PTPRE: variants seen among roughly 807,000 people sequenced by gnomAD.
The protein encoded by PTPRE is receptor-type tyrosine-protein phosphatase epsilon.
In PTPRE, 51 loss-of-function variants were observed where a neutral mutation model predicts 102.0. The ratio of observed to expected loss-of-function variants is 0.50; its 90% CI spans 0.40 to 0.63. The LOEUF is 0.63. Among genes scored for constraint, PTPRE ranks in the 30% least tolerant of loss-of-function variants. The pLI is 0.00. For missense variants in PTPRE, 752 were observed against 915.1 expected (o/e 0.82, Z 2.30); for synonymous variants, 345 against 348.2 (o/e 0.99, Z 0.10).
chr10:127,976,002 CG>C (rs1462280512), intron 1 of PTPRE, among the ~76,000 whole-genome samples: 14 of 151,992 alleles, frequency 9.2e-5, no homozygotes, highest in South Asian at 4.2e-4. Flanking sequence ...GGGTGCTTGG[CG>C]GGGAGTCTGG....
intron 1 of PTPRE, among the ~76,000 whole-genome samples, chr10:127,918,205 T>C (rs1261183890): frequency 6.6e-6 from 1 of 152,132 alleles, no homozygotes; most frequent in Non-Finnish European, 1.5e-5. Flanking sequence ...CTGGCTCCCA[T>C]GACTCTTATC....
At chr10:128,076,079 G>A (rs565932695) in intron 17 of PTPRE, among the ~76,000 whole-genome samples, 1 of 152,356 alleles carries the variant, frequency 6.6e-6, no homozygotes, top group African/African-American at 2.4e-5. Context: ...ATCGTGATTG[G>A]TTAGCTGTTT....
At chr10:128,003,522 A>G (rs1388613664) in intron 2 of PTPRE, among the ~76,000 whole-genome samples, 1 of 152,240 alleles carries the variant, frequency 6.6e-6, no homozygotes. Flanking sequence ...AAGAAAAAAA[A>G]GAAAGTAGCA....
intron 2 of PTPRE, among the ~76,000 whole-genome samples, chr10:127,985,095 G>A (rs561851823): frequency 6.4e-4 from 97 of 152,330 alleles, no homozygotes; most frequent in African/African-American, 2.2e-3. Context: ...TGGGCAGGGC[G>A]GCTAAGCCCA....
At chr10:128,063,203 C>A (rs369739841) in intron 10 of PTPRE, 23 bp downstream of exon 10, 1 of 1,613,032 alleles carries the variant, frequency 6.2e-7, no homozygotes, top group Non-Finnish European at 8.5e-7. Flanking sequence ...CATCTGGCCC[C>A]GGTATCACTT....
chr10:127,992,012 G>C (rs1378073615), intron 2 of PTPRE, among the ~76,000 whole-genome samples: 4 of 152,122 alleles, frequency 2.6e-5, no homozygotes, highest in African/African-American at 9.7e-5. Context: ...TGAGCCCACC[G>C]GGTGAGCAGC....
At position 127,917,351 on chromosome 10, in the gene PTPRE, G is replaced by A. The variant is rs149189108; in HGVS notation, c.-31+10042G>A. ...CATGAAACTGATGGTGCCAATGTTT[G>A]TGCTTCACTGCGCTAAACTGTCATC... On this transcript the variant is annotated intron_variant, in intron 1 of 20. Coordinates refer to ENST00000254667, the MANE Select transcript of PTPRE (RefSeq NM_006504.6). Among the ~76,000 whole-genome samples the A allele has an allele frequency of 2.7e-3, 413 of 152,220 alleles. 3 individuals are homozygous for A. The highest frequency in any genetic ancestry group is 9.7e-3 in the African/African-American group (404 of 41,550).
intron 18 of PTPRE, among the ~76,000 whole-genome samples, chr10:128,077,250 T>A (rs1314710539): frequency 6.6e-6 from 1 of 152,176 alleles, no homozygotes; most frequent in African/African-American, 2.4e-5. Flanking sequence ...GCCACCAGAC[T>A]CAGATGCTGC....
chr10:128,071,241 T>C lies in PTPRE; in HGVS notation c.1387+340T>C, dbSNP rs1850744242. 8.6e-6 allele frequency: 3 copies of C among 347,312 alleles called. No individual in the cohort carries two copies. In the East Asian group the frequency reaches 1.9e-4, roughly 22 times the overall value. 21.5% of individuals were successfully genotyped at this position (347,312 alleles called of 1,614,324 possible). A position where few individuals can be genotyped will look rare whatever the true frequency, so the allele number is the denominator to read the frequency against. On this transcript the variant is annotated intron_variant, in intron 15 of 20. Transcript: ENST00000254667. Reference sequence around the variant, plus strand: ...GCACGACTTGGGATTCCTTGTCTCATTCCTTGTCTCCCCAAGCCTGGGCAG... The same window carrying C: ...GCACGACTTGGGATTCCTTGTCTCACTCCTTGTCTCCCCAAGCCTGGGCAG...
chr10:127,949,124 A>AT (rs1226081826), intron 1 of PTPRE, among the ~76,000 whole-genome samples: 1 of 152,138 alleles, frequency 6.6e-6, no homozygotes, highest in Non-Finnish European at 1.5e-5. Context: ...GAATTTCACC[A>AT]ACACCTTCGC....
chr10:128,058,454 A>G (rs566025888), intron 7 of PTPRE, among the ~76,000 whole-genome samples: 34 of 152,218 alleles, frequency 2.2e-4, no homozygotes, highest in African/African-American at 7.9e-4. Flanking sequence ...GCACCACACC[A>G]TGGGAACCCC....
chr10:128,006,211 C>T (rs1854523543), intron 2 of PTPRE, among the ~76,000 whole-genome samples: 1 of 152,258 alleles, frequency 6.6e-6, no homozygotes, highest in Non-Finnish European at 1.5e-5. Context: ...TGAGGCATGA[C>T]TGACACCACT....
chr10:127,989,607 A>G (rs998077764), intron 2 of PTPRE, among the ~76,000 whole-genome samples: 2 of 152,250 alleles, frequency 1.3e-5, no homozygotes, highest in Admixed American at 6.5e-5. Flanking sequence ...TCCAACTGAA[A>G]AAACAGTCGG....
chr10:128,070,298 C>A lies in PTPRE; in HGVS notation c.1144-3C>A, dbSNP rs1356975512. 1 of 1,605,206 alleles carries A rather than the reference C, an allele frequency of 6.2e-7. No homozygotes were observed. The highest frequency in any genetic ancestry group is 1.1e-5 in the South Asian group (1 of 89,084). On this transcript the variant is annotated splice_polypyrimidine_tract_variant and splice_region_variant and intron_variant, in intron 13 of 20. Transcript: ENST00000254667. This position sits in a 1 kb window ranked among gnomAD's most constrained non-coding sequence, Gnocchi z 4.8. ...GGTGTGGGCACCCCTGGCCTCTCTG[C>A]AGATGCAGTACACGTTCATCTACCA...
chr10:127,972,077 T>A (rs971201565), intron 1 of PTPRE, among the ~76,000 whole-genome samples: 1 of 152,178 alleles, frequency 6.6e-6, no homozygotes, highest in African/African-American at 2.4e-5. Context: ...GCACATCAGA[T>A]GAACTGTGCA....
Position 128,077,788 on chromosome 10 carries a change from GC to G in PTPRE, c.1892+10del. ...CCCCATCACCGTGCACTGCAGGTGA[GC>G]CCCCAGCCCGAAGCCCTCCAGGTGG... On this transcript the variant is annotated splice_donor_region_variant and intron_variant, in intron 19 of 20. Transcript: ENST00000254667. The G allele has an allele frequency of 1.3e-6, 2 of 1,582,278 alleles. No individual in the cohort carries two copies. Among genetic ancestry groups the G allele is most frequent in the Non-Finnish European group, 8.7e-7 (1 of 1,155,186 alleles).
At chr10:128,055,854 A>G (rs1848917076) in intron 6 of PTPRE, among the ~76,000 whole-genome samples, 1 of 152,226 alleles carries the variant, frequency 6.6e-6, no homozygotes, top group African/African-American at 2.4e-5. Flanking sequence ...CTCCGCCTTC[A>G]TGCAGCATAG....
rs566516568 is a variant in PTPRE at position 127,956,701 on chromosome 10, T to A, written c.-30-25573T>A. On this transcript the variant is annotated intron_variant, in intron 1 of 20. Transcript: ENST00000254667. ...TTGCATTTGAAGCAATAAATGAGAG[T>A]TCCTGTTGCTCCAAATCCTTACCAG... Among the ~76,000 whole-genome samples, 380 of 152,338 alleles carry A rather than the reference T, an allele frequency of 2.5e-3. 1 individual carries two copies. Among genetic ancestry groups the A allele is most frequent in the Non-Finnish European group, 3.6e-3 (242 of 68,030 alleles).
intron 2 of PTPRE, among the ~76,000 whole-genome samples, chr10:128,026,326 G>GC (rs1289436686): frequency 6.6e-6 from 1 of 152,218 alleles, no homozygotes; most frequent in Non-Finnish European, 1.5e-5. Context: ...CTGGCGAGAG[G>GC]CCCCCTGCAC....
Sources: allele counts gnomAD v4.1 joint callset (sites outside exome capture counted in the v4.1 genomes callset), GRCh38; gene constraint gnomAD v4.1.1; non-coding constraint Gnocchi (gnomAD v3.1); transcripts MANE v1.5; gene names NCBI Gene and HGNC (gene_info 2026-07-23, HGNC 2026-07-21).